The following KCNMB2 variants were observed in gnomAD, a reference collection of about 807,000 sequenced individuals.
KCNMB2 encodes the protein potassium calcium-activated channel subfamily M regulatory beta subunit 2, also known as calcium-activated potassium channel subunit beta-2.
In KCNMB2, 9 loss-of-function variants were observed where a neutral mutation model predicts 24.5. That is an observed-to-expected ratio of 0.37 (90% confidence interval 0.22 to 0.64). KCNMB2 has a LOEUF of 0.64. Among genes scored for constraint, KCNMB2 ranks in the 30% least tolerant of loss-of-function variants. The pLI, the probability that KCNMB2 is intolerant of heterozygous loss-of-function variation, is 0.63. For missense variants in KCNMB2, 226 were observed against 284.3 expected (o/e 0.79, Z 1.47); for synonymous variants, 109 against 104.4 (o/e 1.04, Z -0.27).
intron 1 of KCNMB2, among the ~76,000 whole-genome samples, chr3:178,768,512 AT>A (rs1271913968): frequency 3.9e-5 from 6 of 152,186 alleles, no homozygotes; most frequent in Non-Finnish European, 7.3e-5. Flanking sequence ...TGAGAAAAAA[AT>A]ATATATTCAG....
intron 1 of KCNMB2, among the ~76,000 whole-genome samples, chr3:178,771,415 T>C (rs918800576): frequency 6.6e-6 from 1 of 151,890 alleles, no homozygotes; most frequent in East Asian, 1.9e-4. Context: ...TCCTGGACAT[T>C]GCCTACAGGC....
chr3:178,646,669 A>G (rs1719936174), intron 1 of KCNMB2, among the ~76,000 whole-genome samples: 1 of 152,206 alleles, frequency 6.6e-6, no homozygotes, highest in Non-Finnish European at 1.5e-5. Flanking sequence ...AGACAGGGTG[A>G]TGGAAGCATT....
At chr3:178,741,595 G>A (rs994348675) in intron 1 of KCNMB2, among the ~76,000 whole-genome samples, 2 of 152,044 alleles carry the variant, frequency 1.3e-5, no homozygotes, top group African/African-American at 4.8e-5. Context: ...TCCTTTTCCT[G>A]TAGGCTGGGG....
At chr3:178,651,815 T>C (rs1282983040) in intron 1 of KCNMB2, among the ~76,000 whole-genome samples, 1 of 152,132 alleles carries the variant, frequency 6.6e-6, no homozygotes, top group African/African-American at 2.4e-5. Context: ...AAACAAGCAA[T>C]GGGGAAAGAA....
At chr3:178,696,841 G>A (rs1403705204) in intron 1 of KCNMB2, among the ~76,000 whole-genome samples, 1 of 82,196 alleles carries the variant, frequency 1.2e-5, no homozygotes, top group Non-Finnish European at 2.5e-5. Context: ...TTACCAAAAA[G>A]TAAATTACTT....
At chr3:178,816,327 A>G (rs1206771818) in intron 2 of KCNMB2, among the ~76,000 whole-genome samples, 1 of 151,852 alleles carries the variant, frequency 6.6e-6, no homozygotes, top group African/African-American at 2.4e-5. Context: ...TCCATACCTT[A>G]TCTGTAGTTA....
intron 1 of KCNMB2, among the ~76,000 whole-genome samples, chr3:178,690,702 A>G (rs1016134568): frequency 6.6e-6 from 1 of 152,230 alleles, no homozygotes; most frequent in Non-Finnish European, 1.5e-5. Context: ...AACCACTCAC[A>G]TAAAATAAGA....
chr3:178,631,386 C>T (rs1296406330), intron 1 of KCNMB2, among the ~76,000 whole-genome samples: 1 of 152,202 alleles, frequency 6.6e-6, no homozygotes, highest in Non-Finnish European at 1.5e-5. Context: ...ACTGAAAAGG[C>T]TAGGGGACCC....
chr3:178,744,017 A>C (rs1723580112), intron 1 of KCNMB2, among the ~76,000 whole-genome samples: 1 of 152,248 alleles, frequency 6.6e-6, no homozygotes, highest in African/African-American at 2.4e-5. Flanking sequence ...CAAGAAGGTC[A>C]GTATTCACTA....
At chr3:178,606,188 A>T (rs1378889035) in intron 1 of KCNMB2, among the ~76,000 whole-genome samples, 1 of 152,158 alleles carries the variant, frequency 6.6e-6, no homozygotes, top group Non-Finnish European at 1.5e-5. Flanking sequence ...TCAGCTGCAA[A>T]TGTGCACTAT....
rs148939816 is a variant in KCNMB2, at chr3:178,717,184, C to T, written c.-67-90159C>T. Among the ~76,000 whole-genome samples the T allele has an allele frequency of 1.1e-3, 165 of 152,078 alleles. 1 individual carries two copies. Among genetic ancestry groups the T allele is most frequent in the African/African-American group, 3.7e-3 (155 of 41,458 alleles). ...ATAAAACTAGTGTATTTCTATTATG[C>T]TTTTTAACTTCATATCTAGTTTGGC... On this transcript the variant is annotated intron_variant, in intron 1 of 4. Coordinates refer to ENST00000452583, the MANE Select transcript of KCNMB2 (RefSeq NM_181361.3).
rs1266773650 is a variant in KCNMB2 at position 178,782,743 on chromosome 3, C to T, written c.-67-24600C>T. Among the ~76,000 whole-genome samples the T allele has an allele frequency of 4.6e-5, 7 of 151,466 alleles. No homozygotes were observed. The East Asian group carries it at 1.4e-3, about 29-fold the overall frequency. The stretch of plus-strand genomic sequence containing the variant: ...AAATTTTCTCCCATTTTGTAGTTTG[C>T]CTGTTCACTCTGATGGTAGTTTCTT... On this transcript the variant is annotated intron_variant, in intron 1 of 4. Coordinates refer to ENST00000452583, the MANE Select transcript of KCNMB2 (RefSeq NM_181361.3).
intron 1 of KCNMB2, among the ~76,000 whole-genome samples, chr3:178,733,732 G>GC (rs1244387519): frequency 6.6e-6 from 1 of 152,030 alleles, no homozygotes; most frequent in Non-Finnish European, 1.5e-5. Flanking sequence ...ACCCGCCTCG[G>GC]CCCCCCAAAG....
intron 1 of KCNMB2, among the ~76,000 whole-genome samples, chr3:178,596,936 C>T (rs1330676160): frequency 6.6e-6 from 1 of 152,132 alleles, no homozygotes; most frequent in Non-Finnish European, 1.5e-5. Flanking sequence ...CCATTGTCTG[C>T]TTCATATTTA....
chr3:178,773,218 T>G (rs570072675), intron 1 of KCNMB2, among the ~76,000 whole-genome samples: 2 of 152,140 alleles, frequency 1.3e-5, no homozygotes, highest in Non-Finnish European at 2.9e-5. Flanking sequence ...CTCTCTTTGT[T>G]CAAGGCTTAG....
At chr3:178,790,625 G>A (rs915315324) in intron 1 of KCNMB2, among the ~76,000 whole-genome samples, 2 of 152,190 alleles carry the variant, frequency 1.3e-5, no homozygotes, top group African/African-American at 4.8e-5. Flanking sequence ...CAGTAGCCAG[G>A]CAGTGGTCAC....
intron 1 of KCNMB2, among the ~76,000 whole-genome samples, chr3:178,766,892 A>G (rs193063471): frequency 6.6e-6 from 1 of 152,352 alleles, no homozygotes; most frequent in African/African-American, 2.4e-5. Context: ...TGTGTATACC[A>G]GGAGCATGAC....
chr3:178,647,878 T>A (rs1375561376), intron 1 of KCNMB2, among the ~76,000 whole-genome samples: 1 of 152,188 alleles, frequency 6.6e-6, no homozygotes, highest in Non-Finnish European at 1.5e-5. Flanking sequence ...AATAAAGGTC[T>A]CATTTTAAGT....
chr3:178,655,089 GCTCTCCCTCTCTCTCTCTCT>G (rs1326544757), intron 1 of KCNMB2, among the ~76,000 whole-genome samples: 6 of 77,894 alleles, frequency 7.7e-5, no homozygotes, highest in Non-Finnish European at 1.5e-4. Context: ...GTAAATATTA[GCTCTCCCTCTCTCTCTCTCT>G]CTCTCTCTCT....
Sources: allele counts gnomAD v4.1 joint callset (sites outside exome capture counted in the v4.1 genomes callset), GRCh38; gene constraint gnomAD v4.1.1; transcripts MANE v1.5; gene names NCBI Gene and HGNC (gene_info 2026-07-23, HGNC 2026-07-21).